Variants in IGFL1 observed in about 807,000 individuals in gnomAD.
The protein encoded by IGFL1 is insulin growth factor-like family member 1.
Under a neutral mutation model 16.0 loss-of-function variants are expected in IGFL1, and 16 were observed. That is an observed-to-expected ratio of 1.00 (90% CI 0.68 to 1.52). The LOEUF is 1.52. Ranked by LOEUF, IGFL1 falls within the 40% of genes most tolerant of loss-of-function variation. IGFL1 has a pLI of 0.00. For synonymous variants in IGFL1, 59 were observed against 54.0 expected, an observed-to-expected ratio of 1.09 and a Z score of -0.41; for missense variants, 149 against 141.7, an observed-to-expected ratio of 1.05 and a Z score of -0.26.
rs778172728 is a variant in IGFL1 at position 46,229,770 on chromosome 19, G to C, written c.-5G>C. On this transcript the variant is annotated 5_prime_UTR_variant, in exon 1 of 4. Transcript: ENST00000437936. Reference sequence around the variant, plus strand: ...CTCCTCACTCCACTGCAACCACCCAGAGCCATGGCTCCCCGAGGCTGCATC... The same window carrying C: ...CTCCTCACTCCACTGCAACCACCCACAGCCATGGCTCCCCGAGGCTGCATC... 2 of 1,605,776 alleles carry C rather than the reference G, an allele frequency of 1.2e-6. No individual in the cohort carries two copies. The highest frequency in any genetic ancestry group is 1.7e-6 in the Non-Finnish European group (2 of 1,176,536).
intron 3 of IGFL1, 52 bp downstream of exon 3, chr19:46,230,569 G>C: frequency 6.2e-7 from 1 of 1,601,564 alleles, no homozygotes; most frequent in Non-Finnish European, 8.5e-7. Context: ...CTGCATGCCT[G>C]TTCTGCCCTG....
rs756321388 is a variant in IGFL1 at position 46,230,379 on chromosome 19, C to T, written c.185C>T (p.Pro62Leu). 1 of 1,614,012 alleles carries T rather than the reference C, an allele frequency of 6.2e-7. No homozygotes were observed. The highest frequency in any genetic ancestry group is 2.2e-5 in the East Asian group (1 of 44,886). Residue 62 changes from proline (P) to leucine (L), a missense_variant, in exon 3 of 4, where the codon CCC (proline) becomes CTC (leucine). By Grantham distance (98) the Pro-to-Leu change is moderately conservative (BLOSUM62 -3). Coordinates refer to ENST00000437936, the MANE Select transcript of IGFL1 (RefSeq NM_198541.2). ...QHCCYDDAVV[P>L]LARTQTCGNC... The stretch of plus-strand genomic sequence containing the variant: ...TGTTGCTATGATGATGCCGTCGTGC[C>T]CTTGGCCAGGACCCAGACGTGTGGA...
rs183384616 is a variant in IGFL1 at position 46,230,589 on chromosome 19, C to T, written c.323+72C>T. 690 of 1,585,456 alleles carry T rather than the reference C, an allele frequency of 4.4e-4. 5 individuals are homozygous for T. In the African/African-American group the frequency reaches 8.3e-3, roughly 19 times the overall value. ...TGCCTGTTCTGCCCTGGGTGGAGCC[C>T]CCATTCTCCTTGTCTCCCTGTCTCT... On this transcript the variant is annotated intron_variant, in intron 3 of 3. Coordinates refer to ENST00000437936, the MANE Select transcript of IGFL1 (RefSeq NM_198541.2).
Position 46,230,325 on chromosome 19 carries a change from G to C in IGFL1, c.131G>C (p.Gly44Ala). 4 of 1,613,970 alleles carry C rather than the reference G, an allele frequency of 2.5e-6. No homozygotes were observed. In the South Asian group the frequency reaches 3.3e-5, roughly 13 times the overall value. ...LMLCQPHKRC[G>A]DKFYDPLQHC... ...CTGTGCCAGCCACACAAGAGATGTG[G>C]GGACAAGTTCTACGACCCCCTGCAG... The change falls in exon 3 of 4, where the codon GGG (glycine) becomes GCG (alanine). Residue 44 changes from glycine (G) to alanine (A), a missense_variant. Physicochemically the swap from Gly to Ala is moderately conservative, Grantham distance 60. Coordinates refer to ENST00000437936, the MANE Select transcript of IGFL1 (RefSeq NM_198541.2).
At position 46,230,724 on chromosome 19, in the gene IGFL1, C is replaced by T. The variant is rs1236103191; in HGVS notation, c.324-97C>T. 2.8e-6 allele frequency: 4 copies of T among 1,452,692 alleles called. No individual in the cohort carries two copies. The Admixed American group carries it at 5.5e-5, about 20-fold the overall frequency. 90.0% of individuals were successfully genotyped at this position (1,452,692 alleles called of 1,614,324 possible). On this transcript the variant is annotated intron_variant, in intron 3 of 3. Coordinates refer to ENST00000437936, the MANE Select transcript of IGFL1 (RefSeq NM_198541.2). The stretch of plus-strand genomic sequence containing the variant: ...CTCTCTACCCCGCTGTCCTCTCCTC[C>T]TGGCTCTCCTGTCCTCATTTCTGCC...
At chr19:46,229,982 G>C in intron 1 of IGFL1, 126 bp from the exon 2 acceptor site, 1 of 1,292,446 alleles carries the variant, frequency 7.7e-7, no homozygotes, top group South Asian at 1.3e-5. Context: ...CCACAGCCCT[G>C]TTTCAGTCCC....
rs1342407880 is a variant in IGFL1 at position 46,230,276 on chromosome 19, G to GC, written c.87dup (p.Met30HisfsTer28). The GC allele has an allele frequency of 6.2e-7, 1 of 1,613,790 alleles. No homozygotes were observed. Among genetic ancestry groups the GC allele is most frequent in the Non-Finnish European group, 8.5e-7 (1 of 1,179,882 alleles). Reference sequence around the variant, plus strand: ...CTCACCAGCTCTGTCTCCTCCAGTGGCCCCCATGACTCCTTACCTGATGCT... The same window carrying GC: ...CTCACCAGCTCTGTCTCCTCCAGTGGCCCCCCATGACTCCTTACCTGATGCT... On this transcript the variant is annotated frameshift_variant, in exon 3 of 4. Transcript: ENST00000437936. LOFTEE classifies it high-confidence loss of function.
chr19:46,230,982 C>G lies in IGFL1; in HGVS notation c.*152C>G, dbSNP rs942131642. 15 of 797,324 alleles carry G rather than the reference C, an allele frequency of 1.9e-5. No homozygotes were observed. The East Asian group carries it at 4.0e-4, about 21-fold the overall frequency. 49.4% of individuals were successfully genotyped at this position (797,324 alleles called of 1,614,324 possible). A position where few individuals can be genotyped will look rare whatever the true frequency, so the allele number is the denominator to read the frequency against. On this transcript the variant is annotated 3_prime_UTR_variant, in exon 4 of 4. Transcript: ENST00000437936. ...CTGCCCACTTCATTCTGTGACCTGTCTGAGGCCCACCCTGCAGCTGCCCTG... is the reference window on the plus strand; with the variant it reads ...CTGCCCACTTCATTCTGTGACCTGTGTGAGGCCCACCCTGCAGCTGCCCTG...
intron 1 of IGFL1, 102 bp from the exon 2 acceptor site, chr19:46,230,006 G>A (rs1351936317): frequency 7.0e-7 from 1 of 1,423,016 alleles, no homozygotes; most frequent in African/African-American, 1.4e-5. Flanking sequence ...GCTGCTCAAA[G>A]CCATACCGAG....
At position 46,230,931 on chromosome 19, in the gene IGFL1, T is replaced by C. The variant is rs1462354211; in HGVS notation, c.*101T>C. On this transcript the variant is annotated 3_prime_UTR_variant, in exon 4 of 4. Transcript: ENST00000437936. Reference sequence around the variant, plus strand: ...AGATCTGGGATGCTGAGTGGCTGTTTGGGGGCCAGAGAAACACACACTCAA... The same window carrying C: ...AGATCTGGGATGCTGAGTGGCTGTTCGGGGGCCAGAGAAACACACACTCAA... The C allele has an allele frequency of 1.8e-5, 22 of 1,213,110 alleles. No homozygotes were observed. Among genetic ancestry groups the C allele is most frequent in the Admixed American group, 3.9e-5 (2 of 50,782 alleles). The allele number at this position is 1,213,110 out of a possible 1,614,324, so 75.1% of individuals were successfully genotyped here. A position where few individuals can be genotyped will look rare whatever the true frequency, so the allele number is the denominator to read the frequency against.
Position 46,230,486 on chromosome 19 carries a change from G to C in IGFL1, c.292G>C (p.Ala98Pro), listed in dbSNP as rs764269908. ...GCTGATAAACCAGAACTGCGACTCA[G>C]CCCGGACCTCGGATGACAGGCTTTG... is the stretch of plus-strand genomic sequence containing the variant. Reference protein sequence around the residue: ...VKLINQNCDSARTSDDRLCRS... With the variant: ...VKLINQNCDSPRTSDDRLCRS... The change falls in exon 3 of 4, where the codon GCC (alanine) becomes CCC (proline). Residue 98 changes from alanine (A) to proline (P), a missense_variant. Physicochemically the swap from Ala to Pro is conservative, Grantham distance 27. Transcript: ENST00000437936. The C allele has an allele frequency of 6.2e-7, 1 of 1,613,978 alleles. No individual in the cohort carries two copies. The highest frequency in any genetic ancestry group is 1.1e-5 in the South Asian group (1 of 91,078).
Position 46,230,925 on chromosome 19 carries a change from G to A in IGFL1, c.*95G>A. On this transcript the variant is annotated 3_prime_UTR_variant, in exon 4 of 4. Transcript: ENST00000437936. ...TACCTGAGATCTGGGATGCTGAGTG[G>A]CTGTTTGGGGGCCAGAGAAACACAC... The A allele has an allele frequency of 7.9e-7, 1 of 1,259,320 alleles. No homozygotes were observed. The highest frequency in any genetic ancestry group is 1.1e-6 in the Non-Finnish European group (1 of 877,608). The allele number at this position is 1,259,320 out of a possible 1,614,324, so 78.0% of individuals were successfully genotyped here. A position where few individuals can be genotyped will look rare whatever the true frequency, so the allele number is the denominator to read the frequency against.
In IGFL1 at chr19:46,230,457, T is replaced by C; in HGVS notation, c.263T>C (p.Val88Ala). The change falls in exon 3 of 4, where the codon GTG becomes GCG. Residue 88 changes from valine to alanine, a missense_variant. By Grantham distance (64) the Val-to-Ala change is moderately conservative. Coordinates refer to ENST00000437936, the MANE Select transcript of IGFL1 (RefSeq NM_198541.2). ...FEQCCPWTFM[V>A]KLINQNCDSA... Reference sequence around the variant, plus strand: ...CAGTGCTGCCCCTGGACCTTCATGGTGAAGCTGATAAACCAGAACTGCGAC... The same window carrying C: ...CAGTGCTGCCCCTGGACCTTCATGGCGAAGCTGATAAACCAGAACTGCGAC... The C allele has an allele frequency of 1.2e-6, 2 of 1,614,042 alleles. No homozygotes were observed. The highest frequency in any genetic ancestry group is 1.7e-6 in the Non-Finnish European group (2 of 1,179,894).
At position 46,230,314 on chromosome 19, in the gene IGFL1, C is replaced by G. The variant is rs533278517; in HGVS notation, c.120C>G (p.His40Gln). ...MTPYLMLCQP[H>Q]KRCGDKFYDP... Reference sequence around the variant, plus strand: ...CTTACCTGATGCTGTGCCAGCCACACAAGAGATGTGGGGACAAGTTCTACG... The same window carrying G: ...CTTACCTGATGCTGTGCCAGCCACAGAAGAGATGTGGGGACAAGTTCTACG... Residue 40 changes from histidine (H) to glutamine (Q), a missense_variant, in exon 3 of 4, where the codon CAC (histidine) becomes CAG (glutamine). Physicochemically the swap from His to Gln is conservative, Grantham distance 24. Transcript: ENST00000437936. 1.2e-5 allele frequency: 19 copies of G among 1,614,012 alleles called. No homozygotes were observed. The South Asian group carries it at 2.0e-4, about 17-fold the overall frequency.
chr19:46,231,202 A>G lies in IGFL1; in HGVS notation c.*372A>G, dbSNP rs1003644862. The G allele has an allele frequency of 2.8e-6, 1 of 354,162 alleles. No individual in the cohort carries two copies. The highest frequency in any genetic ancestry group is 2.0e-5 in the African/African-American group (1 of 48,984). The allele number at this position is 354,162 out of a possible 1,614,324, so 21.9% of individuals were successfully genotyped here. On this transcript the variant is annotated 3_prime_UTR_variant, in exon 4 of 4. Transcript: ENST00000437936. ...CTCAAGTTCTCTTCTATCCAGGAGCAAAGCACAGGATCATAATAAATTTAT... is the reference window on the plus strand; with the variant it reads ...CTCAAGTTCTCTTCTATCCAGGAGCGAAGCACAGGATCATAATAAATTTAT...
Position 46,230,931 on chromosome 19 carries a change from TG to T in IGFL1, c.*106del, listed in dbSNP as rs1035720224. ...AGATCTGGGATGCTGAGTGGCTGTTTGGGGGCCAGAGAAACACACACTCAAC... is the reference window on the plus strand; with the variant it reads ...AGATCTGGGATGCTGAGTGGCTGTTTGGGGCCAGAGAAACACACACTCAAC... On this transcript the variant is annotated 3_prime_UTR_variant, in exon 4 of 4. Transcript: ENST00000437936. The T allele has an allele frequency of 9.5e-5, 115 of 1,213,226 alleles. 1 individual carries two copies. In the Admixed American group the frequency reaches 2.2e-3, roughly 23 times the overall value. 75.2% of individuals were successfully genotyped at this position (1,213,226 alleles called of 1,614,324 possible). A position where few individuals can be genotyped will look rare whatever the true frequency, so the allele number is the denominator to read the frequency against.
chr19:46,231,096 A>T lies in IGFL1; in HGVS notation c.*266A>T. The T allele has an allele frequency of 1.8e-6, 1 of 566,920 alleles. No individual in the cohort carries two copies. The highest frequency in any genetic ancestry group is 3.2e-6 in the Non-Finnish European group (1 of 315,284). The allele number at this position is 566,920 out of a possible 1,614,324, so 35.1% of individuals were successfully genotyped here. ...CCAGGGACTCTGAACCCTCCTGATG[A>T]CCCCTATGGCCAACATCAACCCGGC... On this transcript the variant is annotated 3_prime_UTR_variant, in exon 4 of 4. Transcript: ENST00000437936.
At chr19:46,230,076 C>A in intron 1 of IGFL1, 32 bp from the exon 2 acceptor site, 1 of 1,609,594 alleles carries the variant, frequency 6.2e-7, no homozygotes, top group Non-Finnish European at 8.5e-7. Context: ...TGGCTGTCCA[C>A]TCACCCCATC....
rs1967236286 is a variant in IGFL1 at position 46,230,884 on chromosome 19, A to C, written c.*54A>C. The C allele has an allele frequency of 6.4e-7, 1 of 1,563,000 alleles. No individual in the cohort carries two copies. The highest frequency in any genetic ancestry group is 2.3e-5 in the East Asian group (1 of 44,094). ...GATTCTCCTTCCTGGGTGGGCCTGG[A>C]GAAAGAGGCTGGTGTTACCTGAGAT... On this transcript the variant is annotated 3_prime_UTR_variant, in exon 4 of 4. Transcript: ENST00000437936.
Sources: gnomAD v4.1 joint callset for allele counts on GRCh38, gnomAD v4.1.1 for gene constraint, MANE v1.5 for transcripts, NCBI Gene and HGNC (gene_info 2026-07-23, HGNC 2026-07-21) for gene names.